Variants in IL1RL2 observed in about 807,000 individuals in gnomAD.
IL1RL2 encodes the protein interleukin 1 receptor like 2, also known as interleukin-1 receptor-like 2.
Under a neutral mutation model 66.8 loss-of-function variants are expected in IL1RL2, and 68 were observed. The observed-to-expected ratio is 1.02, with a 90% CI of 0.84 to 1.25. The LOEUF is 1.25. Among genes scored for constraint, IL1RL2 ranks in the 50% most tolerant of loss-of-function variants. The pLI, the probability that IL1RL2 is intolerant of heterozygous loss-of-function variation, is 0.00. For synonymous variants in IL1RL2, 305 were observed against 264.6 expected, an observed-to-expected ratio of 1.15 and a Z score of -1.48; for missense variants, 729 against 709.3, an observed-to-expected ratio of 1.03 and a Z score of -0.32.
chr2:102,189,059 T>A lies in IL1RL2; in HGVS notation c.59-17T>A. 6.3e-7 allele frequency: 1 copy of A among 1,578,204 alleles called. No individual in the cohort carries two copies. Among genetic ancestry groups the A allele is most frequent in the Non-Finnish European group, 8.7e-7 (1 of 1,152,160 alleles). ...TCTTTCATGGATAATTGTTTTGTTT[T>A]GTTTTTCTTTCCCTAGATGGATGCA... On this transcript the variant is annotated splice_polypyrimidine_tract_variant and intron_variant, in intron 2 of 11. Coordinates refer to ENST00000264257, the MANE Select transcript of IL1RL2 (RefSeq NM_003854.4).
intron 10 of IL1RL2, among the ~76,000 whole-genome samples, chr2:102,233,395 A>G (rs1691325333): frequency 6.6e-6 from 1 of 152,154 alleles, no homozygotes; most frequent in Non-Finnish European, 1.5e-5. Context: ...GGATATGGTT[A>G]AGCCATTCAC....
chr2:102,228,349 A>ATG (rs777604961), intron 9 of IL1RL2, among the ~76,000 whole-genome samples: 1 of 152,186 alleles, frequency 6.6e-6, no homozygotes, highest in African/African-American at 2.4e-5. Context: ...GAGAGAAATA[A>ATG]TGTCCTTCGT....
At chr2:102,211,108 G>A (rs1406019851) in intron 5 of IL1RL2, among the ~76,000 whole-genome samples, 2 of 152,100 alleles carry the variant, frequency 1.3e-5, no homozygotes, top group Non-Finnish European at 2.9e-5. Flanking sequence ...AACAAGCTGG[G>A]GATAACTTTT....
At chr2:102,201,827 C>T in intron 5 of IL1RL2, 112 bp downstream of exon 5, 1 of 1,014,662 alleles carries the variant, frequency 9.9e-7, no homozygotes, top group East Asian at 2.6e-5. Flanking sequence ...TCTTGGTTTC[C>T]CTGAAGGCTA....
At chr2:102,201,133 G>A (rs753642756) in intron 4 of IL1RL2, among the ~76,000 whole-genome samples, 2 of 151,982 alleles carry the variant, frequency 1.3e-5, no homozygotes, top group African/African-American at 4.8e-5. Flanking sequence ...TGAAGGTGGA[G>A]GACATTCCTG....
At position 102,236,261 on chromosome 2, in the gene IL1RL2, TG is replaced by T. The variant is rs1301598096; in HGVS notation, c.1678+989del. On this transcript the variant is annotated intron_variant, in intron 11 of 11. Transcript: ENST00000264257. ...ACACTGAGACTTAGTAAGCAGTCAG[TG>T]GGGGCTGGAAGGGAGTCAGCCCTGA... 3.3e-5 allele frequency among the ~76,000 whole-genome samples: 5 copies of T among 152,222 alleles called. No homozygotes were observed. The South Asian group carries it at 1.0e-3, about 32-fold the overall frequency.
chr2:102,235,248 T>TTGCTACC lies in IL1RL2; in HGVS notation c.1649_1650insTGCTACC (p.Gln551AlafsTer40), dbSNP rs1674774282. 1 of 1,613,572 alleles carries TTGCTACC rather than the reference T, an allele frequency of 6.2e-7. No homozygotes were observed. The highest frequency in any genetic ancestry group is 1.3e-5 in the African/African-American group (1 of 74,842). On this transcript the variant is annotated frameshift_variant, in exon 11 of 12. Coordinates refer to ENST00000264257, the MANE Select transcript of IL1RL2 (RefSeq NM_003854.4). LOFTEE classifies it low-confidence loss of function (END_TRUNC). ...CGGCCGTTTCCTCCGGTCCAGCTGCTGCAGCACACACCTTGCTACCGCACC... is the reference window on the plus strand; with the variant it reads ...CGGCCGTTTCCTCCGGTCCAGCTGCTTGCTACCGCAGCACACACCTTGCTACCGCACC...
chr2:102,225,681 C>G (rs574217858), intron 8 of IL1RL2, among the ~76,000 whole-genome samples: 1 of 152,236 alleles, frequency 6.6e-6, no homozygotes, highest in East Asian at 1.9e-4. Flanking sequence ...TTCCCAGGAG[C>G]TGACTTGTTT....
chr2:102,207,060 C>T (rs1013555446), intron 5 of IL1RL2, among the ~76,000 whole-genome samples: 3 of 152,168 alleles, frequency 2.0e-5, no homozygotes, highest in African/African-American at 4.8e-5. Context: ...GCCAGACTAC[C>T]GCAGATTTTC....
At chr2:102,207,061 G>A (rs1245892900) in intron 5 of IL1RL2, among the ~76,000 whole-genome samples, 1 of 152,122 alleles carries the variant, frequency 6.6e-6, no homozygotes, top group African/African-American at 2.4e-5. Flanking sequence ...CCAGACTACC[G>A]CAGATTTTCC....
downstream of IL1RL2, among the ~76,000 whole-genome samples, chr2:102,240,248 G>T (rs1003138102): frequency 1.3e-5 from 2 of 151,018 alleles, no homozygotes; most frequent in Admixed American, 1.3e-4. Flanking sequence ...CCCACACTTA[G>T]TAGATGGACT....
chr2:102,217,209 T>C (rs1346508052), intron 6 of IL1RL2, among the ~76,000 whole-genome samples: 2 of 152,184 alleles, frequency 1.3e-5, no homozygotes, highest in African/African-American at 4.8e-5. Context: ...TTCTTACATT[T>C]CTGAAAGATA....
intron 4 of IL1RL2, among the ~76,000 whole-genome samples, chr2:102,200,523 C>T (rs1688168381): frequency 6.6e-6 from 1 of 152,136 alleles, no homozygotes; most frequent in Admixed American, 6.5e-5. Flanking sequence ...TTGTGCACTT[C>T]CTGAGGAGAG....
chr2:102,235,737 G>A (rs1270979039), intron 11 of IL1RL2: 3 of 985,310 alleles, frequency 3.0e-6, no homozygotes, highest in South Asian at 4.7e-5. Flanking sequence ...GTCCACGCCT[G>A]TCCAGTGTCT....
At chr2:102,234,522 G>C (rs977564244) in intron 10 of IL1RL2, among the ~76,000 whole-genome samples, 1 of 152,186 alleles carries the variant, frequency 6.6e-6, no homozygotes. Flanking sequence ...GGCCAGGCAA[G>C]GTGGCTCACA....
In IL1RL2 at chr2:102,225,965, G is replaced by A. The variant is rs138350814; in HGVS notation, c.1059G>A (p.Val353=). The A allele has an allele frequency of 1.6e-5, 26 of 1,610,498 alleles. No individual in the cohort carries two copies. The African/African-American group carries it at 2.0e-4, about 12-fold the overall frequency. The change falls in exon 9 of 12, where the codon GTG becomes GTA. Residue 353 remains valine (V), a synonymous_variant. Coordinates refer to ENST00000264257, the MANE Select transcript of IL1RL2 (RefSeq NM_003854.4). Reference sequence around the variant, plus strand: ...TGGTGGCTGTGGCTGTGTCTGTTGTGTACATATACAACATTTTTAAGATCG... The same window carrying A: ...TGGTGGCTGTGGCTGTGTCTGTTGTATACATATACAACATTTTTAAGATCG... ...IALVAVAVSV[V]YIYNIFKIDI...
At chr2:102,194,475 G>A (rs1316124921) in intron 4 of IL1RL2, among the ~76,000 whole-genome samples, 1 of 152,150 alleles carries the variant, frequency 6.6e-6, no homozygotes, top group Non-Finnish European at 1.5e-5. Context: ...TGGGTCATAA[G>A]GGTACGTAGA....
At chr2:102,227,970 C>T (rs35200637) in intron 9 of IL1RL2, among the ~76,000 whole-genome samples, 2,181 of 152,120 alleles carry the variant, frequency 0.014, 54 homozygotes, top group African/African-American at 0.05. Context: ...GTGACTCACA[C>T]GGAGTAGTGG....
At chr2:102,235,312 A>G in intron 11 of IL1RL2, 35 bp downstream of exon 11, 1 of 1,595,274 alleles carries the variant, frequency 6.3e-7, no homozygotes, top group Non-Finnish European at 8.5e-7. Context: ...TTTGTCACGC[A>G]CTGATGGAGG....
Sources: gnomAD v4.1 joint callset for allele counts (sites outside exome capture counted in the v4.1 genomes callset) on GRCh38, gnomAD v4.1.1 for gene constraint, MANE v1.5 for transcripts, NCBI Gene and HGNC (gene_info 2026-07-23, HGNC 2026-07-21) for gene names.